EPHA6: variants seen among roughly 807,000 people sequenced by gnomAD.
EPHA6 encodes the protein ephrin type-A receptor 6.
A neutral mutation model predicts 112.0 loss-of-function variants in EPHA6; 50 were observed. The ratio of observed to expected loss-of-function variants is 0.45; its 90% CI spans 0.36 to 0.56. The LOEUF is 0.56. Among genes scored for constraint, EPHA6 ranks in the 20% least tolerant of loss-of-function variants. The pLI is 0.00. For missense variants in EPHA6, 1,280 were observed against 1,417.4 expected, an observed-to-expected ratio of 0.90 and a Z score of 1.56; for synonymous variants, 529 against 490.7, an observed-to-expected ratio of 1.08 and a Z score of -1.03.
At chr3:97,680,683 T>C (rs377056479) in intron 14 of EPHA6, among the ~76,000 whole-genome samples, 5 of 152,298 alleles carry the variant, frequency 3.3e-5, no homozygotes, top group South Asian at 2.1e-4. Flanking sequence ...ACCAAACTAA[T>C]GGCAGAGATC....
chr3:97,473,395 T>C lies in EPHA6; in HGVS notation c.1895-1957T>C, dbSNP rs900675279. On this transcript the variant is annotated intron_variant, in intron 7 of 17. Transcript: ENST00000389672. ...AAGTGTGCAGAAGGAGACATATTTGTAGAATTAGCAGTTTAGTCAGTAATT... is the reference window on the plus strand; with the variant it reads ...AAGTGTGCAGAAGGAGACATATTTGCAGAATTAGCAGTTTAGTCAGTAATT... 2.0e-4 allele frequency among the ~76,000 whole-genome samples: 30 copies of C among 151,792 alleles called. 1 individual carries two copies. The highest frequency in any genetic ancestry group is 6.6e-4 in the Admixed American group (10 of 15,198).
intron 5 of EPHA6, among the ~76,000 whole-genome samples, chr3:97,351,169 G>T (rs984893676): frequency 1.3e-5 from 2 of 152,166 alleles, no homozygotes; most frequent in African/African-American, 4.8e-5. Flanking sequence ...GCAATTTGTC[G>T]ATTGAAAGAT....
Position 96,967,724 on chromosome 3 carries a change from C to G in EPHA6, c.451-19606C>G, listed in dbSNP as rs183836674. On this transcript the variant is annotated intron_variant, in intron 2 of 17. Coordinates refer to ENST00000389672, the MANE Select transcript of EPHA6 (RefSeq NM_001080448.3). Reference sequence around the variant, plus strand: ...TGTGTGTTTTAATTATTGGAAGTTCCTTTGTTAAGCACTTCGATTGATTTT... The same window carrying G: ...TGTGTGTTTTAATTATTGGAAGTTCGTTTGTTAAGCACTTCGATTGATTTT... Among the ~76,000 whole-genome samples the G allele has an allele frequency of 5.9e-4, 89 of 151,242 alleles. No homozygotes were observed. The East Asian group carries it at 0.016, about 27-fold the overall frequency.
intron 3 of EPHA6, among the ~76,000 whole-genome samples, chr3:97,072,296 T>C (rs1233932726): frequency 6.6e-6 from 1 of 152,094 alleles, no homozygotes; most frequent in Non-Finnish European, 1.5e-5. Context: ...TTGCCAATAA[T>C]GAGGTTAAGA....
intron 15 of EPHA6, among the ~76,000 whole-genome samples, chr3:97,720,730 T>A (rs1255494737): frequency 6.6e-6 from 1 of 152,232 alleles, no homozygotes; most frequent in Non-Finnish European, 1.5e-5. Flanking sequence ...GAGTAATGTT[T>A]ACTTTTCGTT....
rs193077129 is a variant in EPHA6 at position 97,418,289 on chromosome 3, A to C, written c.1731+13015A>C. On this transcript the variant is annotated intron_variant, in intron 6 of 17. Transcript: ENST00000389672. ...TCTAACAATACTGGACTTCATTCTA[A>C]GAAAAAGAAAACAGAACAGAGAGCA... is the stretch of plus-strand genomic sequence containing the variant. Among the ~76,000 whole-genome samples, 954 of 152,114 alleles carry C rather than the reference A, an allele frequency of 6.3e-3. 4 individuals are homozygous for C. Among genetic ancestry groups the C allele is most frequent in the African/African-American group, 0.021 (876 of 41,550 alleles).
In EPHA6 at chr3:97,750,525, T is replaced by G. The variant is rs1476347312; in HGVS notation, c.*1824T>G. Reference sequence around the variant, plus strand: ...GCGCCTGCCACCACTCCCGGCTAATTTTTGTATTTTTAGTAGAGACGGGGT... The same window carrying G: ...GCGCCTGCCACCACTCCCGGCTAATGTTTGTATTTTTAGTAGAGACGGGGT... On this transcript the variant is annotated 3_prime_UTR_variant, in exon 18 of 18. Coordinates refer to ENST00000389672, the MANE Select transcript of EPHA6 (RefSeq NM_001080448.3). 6.6e-6 allele frequency among the ~76,000 whole-genome samples: 1 copy of G among 151,882 alleles called. No individual in the cohort carries two copies. Among genetic ancestry groups the G allele is most frequent in the African/African-American group, 2.4e-5 (1 of 41,318 alleles).
chr3:97,121,849 T>C lies in EPHA6; in HGVS notation c.1115-104415T>C, dbSNP rs1249960450. Among the ~76,000 whole-genome samples, 4 of 152,188 alleles carry C rather than the reference T, an allele frequency of 2.6e-5. No individual in the cohort carries two copies. In the South Asian group the frequency reaches 6.2e-4, roughly 24 times the overall value. On this transcript the variant is annotated intron_variant, in intron 3 of 17. Coordinates refer to ENST00000389672, the MANE Select transcript of EPHA6 (RefSeq NM_001080448.3). ...TTCTAAAAACAATGCTGGACAGATATATTGAGAATATATTGAGGAACACCA... is the reference window on the plus strand; with the variant it reads ...TTCTAAAAACAATGCTGGACAGATACATTGAGAATATATTGAGGAACACCA...
intron 7 of EPHA6, chr3:97,466,397 C>A: frequency 1.2e-6 from 2 of 1,609,098 alleles, no homozygotes; most frequent in South Asian, 2.2e-5. Flanking sequence ...ATTATTTTCT[C>A]TTGGTTCATT....
intron 3 of EPHA6, among the ~76,000 whole-genome samples, chr3:97,202,029 T>G (rs1489936129): frequency 6.6e-6 from 1 of 151,970 alleles, no homozygotes; most frequent in African/African-American, 2.4e-5. Context: ...CATCTGAGGG[T>G]TCTATGTGAG....
intron 2 of EPHA6, among the ~76,000 whole-genome samples, chr3:96,927,614 T>A (rs766636164): frequency 6.6e-6 from 1 of 152,188 alleles, no homozygotes; most frequent in Non-Finnish European, 1.5e-5. Context: ...CAGTTCCCAA[T>A]AATTTTCTCA....
intron 16 of EPHA6, among the ~76,000 whole-genome samples, chr3:97,737,792 C>G (rs1290563841): frequency 1.3e-5 from 2 of 151,734 alleles, no homozygotes; most frequent in Non-Finnish European, 2.9e-5. Flanking sequence ...TAAGATAGCC[C>G]ACAGAGAGTA....
At chr3:97,717,621 C>A (rs1002571248) in intron 14 of EPHA6, among the ~76,000 whole-genome samples, 2 of 152,006 alleles carry the variant, frequency 1.3e-5, no homozygotes, top group African/African-American at 4.8e-5. Context: ...AGGGCCATAC[C>A]CTTATAATTT....
intron 1 of EPHA6, among the ~76,000 whole-genome samples, chr3:96,815,712 A>G (rs1001561809): frequency 6.6e-6 from 1 of 152,146 alleles, no homozygotes; most frequent in Non-Finnish European, 1.5e-5. Flanking sequence ...AAAGTGGTAA[A>G]GTGAAGGTAA....
chr3:97,655,716 GACAC>G (rs1243408725), intron 14 of EPHA6, among the ~76,000 whole-genome samples: 1 of 141,484 alleles, frequency 7.1e-6, no homozygotes, highest in African/African-American at 2.6e-5. Context: ...AGAACACATG[GACAC>G]AGGAAGTGGA....
intron 2 of EPHA6, among the ~76,000 whole-genome samples, chr3:96,934,951 G>T (rs932218134): frequency 6.6e-6 from 1 of 151,570 alleles, no homozygotes; most frequent in Non-Finnish European, 1.5e-5. Context: ...ACATCATAAA[G>T]AAATGGGGAT....
At chr3:97,596,368 T>C (rs981266054) in intron 12 of EPHA6, among the ~76,000 whole-genome samples, 1 of 152,218 alleles carries the variant, frequency 6.6e-6, no homozygotes, top group African/African-American at 2.4e-5. Context: ...GATCACATTA[T>C]GACAGATTTC....
intron 5 of EPHA6, among the ~76,000 whole-genome samples, chr3:97,245,730 G>A (rs1432942799): frequency 6.6e-6 from 1 of 151,862 alleles, no homozygotes; most frequent in Non-Finnish European, 1.5e-5. Context: ...GAGGAGGGCA[G>A]TGTGGCTATG....
intron 1 of EPHA6, among the ~76,000 whole-genome samples, chr3:96,849,496 A>G (rs894184962): frequency 6.6e-6 from 1 of 152,114 alleles, no homozygotes; most frequent in African/African-American, 2.4e-5. Context: ...TTAATTTTTT[A>G]TAGTTGCTTG....
Sources: gnomAD v4.1 joint callset for allele counts (sites outside exome capture counted in the v4.1 genomes callset) on GRCh38, gnomAD v4.1.1 for gene constraint, MANE v1.5 for transcripts, NCBI Gene and HGNC (gene_info 2026-07-23, HGNC 2026-07-21) for gene names.